Variants in TBX3 observed in about 807,000 individuals in gnomAD.
The protein encoded by TBX3 is T-box transcription factor TBX3.
In TBX3, 11 loss-of-function variants were observed where a neutral mutation model predicts 47.8. The observed-to-expected ratio is 0.23, with a 90% CI of 0.14 to 0.38. The LOEUF (loss-of-function observed/expected upper bound fraction) is 0.38, where lower values mean the gene tolerates loss of function less well. Ranked by LOEUF, TBX3 falls within the 10% of genes least tolerant of loss-of-function variation. TBX3 has a pLI of 1.00. For synonymous variants in TBX3, 500 were observed against 449.3 expected (o/e 1.11, Z -1.43); for missense variants, 927 against 1,022.8 (o/e 0.91, Z 1.28).
Position 114,681,123 on chromosome 12 carries a change from A to G in TBX3, c.413T>C (p.Val138Ala). Reference sequence around the variant, plus strand: ...TTTTTTATCCAGCCCAGAACATCTCACTTTAAATGGAGGAAACATTCGCCT... The same window carrying G: ...TTTTTTATCCAGCCCAGAACATCTCGCTTTAAATGGAGGAAACATTCGCCT... Reference protein sequence around the residue: ...SGRRMFPPFKVRCSGLDKKAK... With the variant: ...SGRRMFPPFKARCSGLDKKAK... Residue 138 changes from valine (V) to alanine (A), a missense_variant, in exon 2 of 7, where the codon GTG (valine) becomes GCG (alanine). Around this residue, in one of 5 missense-constraint regions of TBX3, gnomAD observed 216 missense variants for 281.2 expected, o/e 0.77. Coordinates refer to ENST00000349155, the MANE Select transcript of TBX3 (RefSeq NM_005996.4). The G allele has an allele frequency of 6.2e-7, 1 of 1,614,048 alleles. No homozygotes were observed. The highest frequency in any genetic ancestry group is 8.5e-7 in the Non-Finnish European group (1 of 1,179,912).
Position 114,680,933 on chromosome 12 carries a change from G to A in TBX3, c.603C>T (p.Val201=), listed in dbSNP as rs778795283. ...PATGEQWMSK[V]VTFHKLKLTN... ...TGAGTTTCAGTTTGTGGAAAGTGAC[G>A]ACTTTGGACATCCACTGTTCCCCAG... The change falls in exon 2 of 7, where the codon GTC becomes GTT. Residue 201 remains valine, a synonymous_variant. Transcript: ENST00000349155. 36 of 1,613,908 alleles carry A rather than the reference G, an allele frequency of 2.2e-5. No individual in the cohort carries two copies. Among genetic ancestry groups the A allele is most frequent in the Non-Finnish European group, 3.0e-5 (35 of 1,180,010 alleles).
At chr12:114,675,633 AGTGTGTGTGTGTGTGTGTGTGTGT>A (rs3068612) in intron 5 of TBX3, among the ~76,000 whole-genome samples, 5 of 149,984 alleles carry the variant, frequency 3.3e-5, no homozygotes, top group African/African-American at 9.9e-5. Flanking sequence ...TCCCGTTGAG[AGTGTGTGTGTGTGTGTGTGTGTGT>A]GTGTGTGTGT....
intron 5 of TBX3, 34 bp from the exon 6 acceptor site, chr12:114,674,869 G>C: frequency 6.5e-7 from 1 of 1,547,160 alleles, no homozygotes; most frequent in African/African-American, 1.3e-5. Context: ...CAAGGCAGAA[G>C]GGCGTTATCT....
In TBX3 at chr12:114,684,164, C is replaced by T. The variant is rs1017422167; in HGVS notation, c.-964G>A. ...GCCACCCTCCGCCGCCTCTAGAATT[C>T]ACCGGGCGTCTGCTCGGCGGCTCTA... is the stretch of plus-strand genomic sequence containing the variant. On this transcript the variant is annotated 5_prime_UTR_variant, in exon 1 of 7. Transcript: ENST00000349155. The T allele has an allele frequency of 3.0e-5, 7 of 229,824 alleles. No individual in the cohort carries two copies. The highest frequency in any genetic ancestry group is 1.6e-4 in the African/African-American group (7 of 45,082). The allele number at this position is 229,824 out of a possible 1,614,324, so 14.2% of individuals were successfully genotyped here.
intron 2 of TBX3, chr12:114,680,550 A>T (rs865918384): frequency 1.6e-4 from 69 of 431,558 alleles, no homozygotes; most frequent in Middle Eastern, 6.7e-4. Context: ...AAAACAAAAC[A>T]AATCCTTTAG....
intron 2 of TBX3, chr12:114,680,224 A>C: frequency 1.9e-6 from 1 of 529,666 alleles, no homozygotes; most frequent in Non-Finnish European, 3.4e-6. Flanking sequence ...TATTTTATTG[A>C]AATGTTGGGG....
At chr12:114,682,432 A>G (rs2121156736) in intron 1 of TBX3, among the ~76,000 whole-genome samples, 1 of 152,352 alleles carries the variant, frequency 6.6e-6, no homozygotes, top group East Asian at 1.9e-4. Context: ...CTCTGAGAAC[A>G]AAATAAAACA....
chr12:114,673,882 A>T (rs894842011), intron 6 of TBX3, among the ~76,000 whole-genome samples: 2 of 152,242 alleles, frequency 1.3e-5, no homozygotes, highest in Admixed American at 1.3e-4. Context: ...ACTTAGAAGA[A>T]TGCCTGAAAG....
At chr12:114,675,014 GC>G (rs1202836103) in intron 5 of TBX3, among the ~76,000 whole-genome samples, 179 bp from the exon 6 acceptor site, 1 of 152,130 alleles carries the variant, frequency 6.6e-6, no homozygotes, top group Non-Finnish European at 1.5e-5. Context: ...GGATAATCGT[GC>G]CCAACAACAT....
intron 2 of TBX3, chr12:114,680,506 T>G: frequency 2.9e-6 from 1 of 344,940 alleles, no homozygotes. Context: ...GAGAAAATAA[T>G]ATCACTGGTT....
chr12:114,676,597 T>C, intron 4 of TBX3, 127 bp from the exon 5 acceptor site: 1 of 1,286,528 alleles, frequency 7.8e-7, no homozygotes, highest in Non-Finnish European at 1.1e-6. Flanking sequence ...ACAACGCTAA[T>C]TCACTGAAAT....
chr12:114,672,224 C>A lies in TBX3; in HGVS notation c.1789G>T (p.Ala597Ser). Residue 597 changes from alanine to serine, a missense_variant, in exon 7 of 7, where the codon GCG (alanine) becomes TCG (serine). By Grantham distance (99) the Ala-to-Ser change is moderately conservative. Transcript: ENST00000349155. The stretch of plus-strand genomic sequence containing the variant: ...CGGTGCACCGAGCTGGAGGCTGCCG[C>A]AGAGGAGGCGGCCGCCGCTGCGGCC... Reference protein sequence around the residue: ...YMAAAAAASSAAASSSVHRHP... With the variant: ...YMAAAAAASSSAASSSVHRHP... 1 of 1,574,222 alleles carries A rather than the reference C, an allele frequency of 6.4e-7. No individual in the cohort carries two copies. Among genetic ancestry groups the A allele is most frequent in the Non-Finnish European group, 8.6e-7 (1 of 1,160,870 alleles).
rs776621762 is a variant in TBX3 at position 114,674,512 on chromosome 12, C to T, written c.1363G>A (p.Gly455Ser). 3 of 1,511,582 alleles carry T rather than the reference C, an allele frequency of 2.0e-6. No homozygotes were observed. Among genetic ancestry groups the T allele is most frequent in the Admixed American group, 2.2e-5 (1 of 44,472 alleles). The allele number at this position is 1,511,582 out of a possible 1,614,324, so 93.6% of individuals were successfully genotyped here. A position where few individuals can be genotyped will look rare whatever the true frequency, so the allele number is the denominator to read the frequency against. ...AKVEEARALPGKEAFAPLTVQ... is the reference protein window; with the variant it reads ...AKVEEARALPSKEAFAPLTVQ... ...GTGAGCGGCGCGAAGGCCTCCTTGCCCGGGAGCGCGCGCGCCTCTTCCACC... is the reference window on the plus strand; with the variant it reads ...GTGAGCGGCGCGAAGGCCTCCTTGCTCGGGAGCGCGCGCGCCTCTTCCACC... The change falls in exon 6 of 7, where the codon GGC becomes AGC. Residue 455 changes from glycine (G) to serine (S), a missense_variant. Around this residue, in one of 5 missense-constraint regions of TBX3, gnomAD observed 623 missense variants for 569.0 expected, o/e 1.09. Coordinates refer to ENST00000349155, the MANE Select transcript of TBX3 (RefSeq NM_005996.4).
rs1442460204 is a variant in TBX3, at chr12:114,684,138, C to G, written c.-938G>C. On this transcript the variant is annotated 5_prime_UTR_variant, in exon 1 of 7. Coordinates refer to ENST00000349155, the MANE Select transcript of TBX3 (RefSeq NM_005996.4). Reference sequence around the variant, plus strand: ...GGAGCGAGAGAAAGCGAGAGCTCCTCGCCACCCTCCGCCGCCTCTAGAATT... The same window carrying G: ...GGAGCGAGAGAAAGCGAGAGCTCCTGGCCACCCTCCGCCGCCTCTAGAATT... 1 of 231,248 alleles carries G rather than the reference C, an allele frequency of 4.3e-6. No individual in the cohort carries two copies. Among genetic ancestry groups the G allele is most frequent in the East Asian group, 6.1e-5 (1 of 16,394 alleles). 14.3% of individuals were successfully genotyped at this position (231,248 alleles called of 1,614,324 possible).
At chr12:114,678,863 AG>A (rs558927848) in intron 3 of TBX3, among the ~76,000 whole-genome samples, 1 of 151,490 alleles carries the variant, frequency 6.6e-6, no homozygotes, top group African/African-American at 2.4e-5. Flanking sequence ...GGCCTGGGGG[AG>A]GGGGGGAATT....
chr12:114,676,993 G>A (rs1868742431), intron 4 of TBX3, among the ~76,000 whole-genome samples: 1 of 151,730 alleles, frequency 6.6e-6, no homozygotes, highest in South Asian at 2.1e-4. Flanking sequence ...AATATATTTA[G>A]CTGTTAGCAA....
Position 114,672,246 on chromosome 12 carries a change from G to A in TBX3, c.1767C>T (p.Ala589=). The A allele has an allele frequency of 6.3e-7, 1 of 1,575,456 alleles. No homozygotes were observed. Among genetic ancestry groups the A allele is most frequent in the Non-Finnish European group, 8.6e-7 (1 of 1,161,434 alleles). The change falls in exon 7 of 7, where the codon GCC becomes GCT. Residue 589 remains alanine, a synonymous_variant. Coordinates refer to ENST00000349155, the MANE Select transcript of TBX3 (RefSeq NM_005996.4). Reference sequence around the variant, plus strand: ...CCGCAGAGGAGGCGGCCGCCGCTGCGGCCATGTACGTGTAGGGGTAAGGGA... The same window carrying A: ...CCGCAGAGGAGGCGGCCGCCGCTGCAGCCATGTACGTGTAGGGGTAAGGGA... ...SLFPYPYTYM[A]AAAAASSAAA... is the part of the protein sequence containing the mutation.
Position 114,671,790 on chromosome 12 carries a change from T to G in TBX3, c.*51A>C, listed in dbSNP as rs932931510. Reference sequence around the variant, plus strand: ...GTGGTTTATTTTATATCCGACAAAGTGCACGGCAGCCTGAACTGGACTGGA... The same window carrying G: ...GTGGTTTATTTTATATCCGACAAAGGGCACGGCAGCCTGAACTGGACTGGA... On this transcript the variant is annotated 3_prime_UTR_variant, in exon 7 of 7. Coordinates refer to ENST00000349155, the MANE Select transcript of TBX3 (RefSeq NM_005996.4). The G allele has an allele frequency of 1.9e-6, 3 of 1,545,014 alleles. No individual in the cohort carries two copies. The African/African-American group carries it at 4.1e-5, about 21-fold the overall frequency.
At chr12:114,680,823 G>A (rs1175172796) in intron 2 of TBX3, 56 bp downstream of exon 2, 1 of 1,610,084 alleles carries the variant, frequency 6.2e-7, no homozygotes. Flanking sequence ...GGGAAGCACT[G>A]CCTTTGACTG....
Sources: allele counts gnomAD v4.1 joint callset (sites outside exome capture counted in the v4.1 genomes callset), GRCh38; gene constraint gnomAD v4.1.1; regional missense constraint gnomAD v4.1.1; transcripts MANE v1.5; gene names NCBI Gene and HGNC (gene_info 2026-07-23, HGNC 2026-07-21).